Variants in MAGI2 observed in about 807,000 individuals in gnomAD.
MAGI2 encodes membrane-associated guanylate kinase, WW and PDZ domain-containing protein 2.
A neutral mutation model predicts 133.3 loss-of-function variants in MAGI2; 35 were observed. The observed-to-expected ratio is 0.26, with a 90% CI of 0.20 to 0.35. MAGI2 has a LOEUF of 0.35. Ranked by LOEUF, MAGI2 falls within the 10% of genes least tolerant of loss-of-function variation. MAGI2 has a pLI of 1.00. For missense variants in MAGI2, 1,636 were observed against 1,863.4 expected, an observed-to-expected ratio of 0.88 and a Z score of 2.25; for synonymous variants, 729 against 710.6, an observed-to-expected ratio of 1.03 and a Z score of -0.41.
chr7:78,163,015 T>G (rs2150622399), intron 15 of MAGI2, among the ~76,000 whole-genome samples: 1 of 152,310 alleles, frequency 6.6e-6, no homozygotes, highest in African/African-American at 2.4e-5. Context: ...TATATAATTT[T>G]TTTAAAGAAA....
At chr7:79,116,064 T>A (rs2129544273) in intron 1 of MAGI2, among the ~76,000 whole-genome samples, 1 of 152,082 alleles carries the variant, frequency 6.6e-6, no homozygotes, top group East Asian at 1.9e-4. Context: ...GCTAAAAGAA[T>A]CCAAGACAAA....
intron 3 of MAGI2, among the ~76,000 whole-genome samples, chr7:78,543,683 G>A (rs569570222): frequency 6.6e-6 from 1 of 152,288 alleles, no homozygotes; most frequent in East Asian, 1.9e-4. Context: ...CTATGACAAT[G>A]ATGAGAACTT....
chr7:78,087,882 G>A (rs1816799111), intron 20 of MAGI2, among the ~76,000 whole-genome samples: 1 of 152,142 alleles, frequency 6.6e-6, no homozygotes, highest in Non-Finnish European at 1.5e-5. Context: ...TTTCTACAAA[G>A]GAAAAATAAC....
intron 6 of MAGI2, among the ~76,000 whole-genome samples, chr7:78,432,074 G>T (rs1194445656): frequency 1.3e-5 from 2 of 151,758 alleles, no homozygotes; most frequent in Admixed American, 1.3e-4. Context: ...TAAAAATCAG[G>T]TAATTTCTTC....
intron 20 of MAGI2, among the ~76,000 whole-genome samples, chr7:78,120,432 A>G (rs1327741671): frequency 2.0e-5 from 3 of 152,088 alleles, no homozygotes; most frequent in Non-Finnish European, 4.4e-5. Context: ...TTGACAAGAA[A>G]ATTCTAAAAT....
At chr7:78,483,681 C>G (rs12670134) in intron 6 of MAGI2, among the ~76,000 whole-genome samples, 38,881 of 151,666 alleles carry the variant, frequency 0.26, 5,190 homozygotes, top group South Asian at 0.34. Flanking sequence ...TTTCTGAGTA[C>G]TTCTGACCCG....
chr7:78,229,009 T>G (rs1789688922), intron 10 of MAGI2, among the ~76,000 whole-genome samples: 2 of 152,250 alleles, frequency 1.3e-5, no homozygotes, highest in African/African-American at 4.8e-5. Context: ...CAGGGGCCTT[T>G]CGGCCAATGC....
At chr7:78,818,540 C>A (rs1789806865) in intron 2 of MAGI2, among the ~76,000 whole-genome samples, 1 of 152,048 alleles carries the variant, frequency 6.6e-6, no homozygotes, top group South Asian at 2.1e-4. Context: ...TCATTTTAAT[C>A]CTAATATATT....
At chr7:78,692,206 A>G (rs1817038169) in intron 2 of MAGI2, among the ~76,000 whole-genome samples, 1 of 152,206 alleles carries the variant, frequency 6.6e-6, no homozygotes, top group Admixed American at 6.5e-5. Flanking sequence ...TGAAGAAGAA[A>G]CACTAATATG....
intron 1 of MAGI2, among the ~76,000 whole-genome samples, chr7:79,365,427 T>A (rs2129127111): frequency 6.6e-6 from 1 of 152,270 alleles, no homozygotes; most frequent in South Asian, 2.1e-4. Flanking sequence ...TGTAAATGCA[T>A]ATTCATAGCA....
At chr7:78,442,259 T>C (rs1787704749) in intron 6 of MAGI2, among the ~76,000 whole-genome samples, 1 of 152,222 alleles carries the variant, frequency 6.6e-6, no homozygotes, top group Admixed American at 6.5e-5. Context: ...GTGCATTTGT[T>C]TCACATACTT....
intron 10 of MAGI2, among the ~76,000 whole-genome samples, chr7:78,224,452 G>C (rs896458189): frequency 1.3e-5 from 2 of 152,046 alleles, no homozygotes; most frequent in African/African-American, 4.8e-5. Flanking sequence ...GATCACTTGA[G>C]GTCAGGAGTT....
chr7:78,810,991 T>C (rs1788995236), intron 2 of MAGI2, among the ~76,000 whole-genome samples: 1 of 152,072 alleles, frequency 6.6e-6, no homozygotes, highest in Non-Finnish European at 1.5e-5. Flanking sequence ...TTTTGATGGA[T>C]GTAGGCAATA....
intron 1 of MAGI2, among the ~76,000 whole-genome samples, chr7:79,317,028 T>C (rs1353343869): frequency 6.8e-6 from 1 of 147,100 alleles, no homozygotes; most frequent in African/African-American, 2.5e-5. Flanking sequence ...TCTTTTTTTT[T>C]TTTTTTTTTT....
intron 1 of MAGI2, among the ~76,000 whole-genome samples, chr7:79,409,712 G>A (rs1846030203): frequency 1.3e-5 from 2 of 152,040 alleles, no homozygotes. Flanking sequence ...CTCCCATTAT[G>A]TCTAATATAG....
intron 21 of MAGI2, among the ~76,000 whole-genome samples, chr7:78,069,393 G>A (rs1321871635): frequency 5.3e-5 from 8 of 152,212 alleles, no homozygotes; most frequent in Admixed American, 4.6e-4. Context: ...TCTCCAGAGG[G>A]TATGTGGAGA....
chr7:79,409,511 T>C (rs1018805602), intron 1 of MAGI2, among the ~76,000 whole-genome samples: 1 of 152,008 alleles, frequency 6.6e-6, no homozygotes, highest in Non-Finnish European at 1.5e-5. Flanking sequence ...ATTAAAGTGA[T>C]TGCTACAACA....
intron 1 of MAGI2, among the ~76,000 whole-genome samples, chr7:79,248,886 G>A (rs1100278): frequency 0.16 from 23,649 of 150,324 alleles, 1,939 homozygotes; most frequent in South Asian, 0.27. Context: ...TTTTTGAGAC[G>A]GAGATTTGCT....
intron 1 of MAGI2, among the ~76,000 whole-genome samples, chr7:79,378,477 A>C (rs1422588143): frequency 6.6e-6 from 1 of 151,656 alleles, no homozygotes; most frequent in Non-Finnish European, 1.5e-5. Flanking sequence ...CTCCTGTATG[A>C]CTACAGGAAG....
Sources: gnomAD v4.1 joint callset for allele counts (sites outside exome capture counted in the v4.1 genomes callset) on GRCh38, gnomAD v4.1.1 for gene constraint, MANE v1.5 for transcripts, NCBI Gene and HGNC (gene_info 2026-07-23, HGNC 2026-07-21) for gene names.